The following TMCC2 variants were observed in gnomAD, a reference collection of about 807,000 sequenced individuals.
TMCC2 encodes the protein transmembrane and coiled-coil domain family 2.
A neutral mutation model predicts 49.4 loss-of-function variants in TMCC2; 16 were observed. That is an observed-to-expected ratio of 0.32 (90% CI 0.22 to 0.49). The LOEUF (loss-of-function observed/expected upper bound fraction) is 0.49, where lower values mean the gene tolerates loss of function less well. Among genes scored for constraint, TMCC2 ranks in the 20% least tolerant of loss-of-function variants. TMCC2 has a pLI of 0.99. For missense variants in TMCC2, 762 were observed against 989.8 expected, an observed-to-expected ratio of 0.77 and a Z score of 3.09; for synonymous variants, 397 against 434.1, an observed-to-expected ratio of 0.91 and a Z score of 1.06.
intron 2 of TMCC2, among the ~76,000 whole-genome samples, chr1:205,260,746 G>T (rs1325149674): frequency 7.6e-6 from 1 of 131,252 alleles, no homozygotes; most frequent in Non-Finnish European, 1.5e-5. Context: ...GGATTTAACT[G>T]TTCTGGATAT....
At chr1:205,268,895 C>G (rs2102613000) in intron 2 of TMCC2, 55 bp from the exon 3 acceptor site, 2 of 1,548,632 alleles carry the variant, frequency 1.3e-6, no homozygotes, top group Non-Finnish European at 1.8e-6. Context: ...CATCCAGGGG[C>G]ACTCCTATGG....
intron 1 of TMCC2, chr1:205,229,868 A>G: frequency 1.0e-6 from 1 of 985,408 alleles, no homozygotes; most frequent in Middle Eastern, 5.2e-4. Flanking sequence ...AGCTGAGATA[A>G]ATAATGCACC....
chr1:205,242,299 G>A (rs1660305039), intron 2 of TMCC2, among the ~76,000 whole-genome samples: 1 of 152,322 alleles, frequency 6.6e-6, no homozygotes, highest in South Asian at 2.1e-4. Context: ...TGATATTAAT[G>A]TTGACTTGTT....
chr1:205,257,262 A>AG, intron 2 of TMCC2: 1 of 1,232,234 alleles, frequency 8.1e-7, no homozygotes, highest in Non-Finnish European at 1.0e-6. Flanking sequence ...AGTGCTGCCC[A>AG]GGGTCTGTGA....
chr1:205,265,706 G>T (rs776330946), intron 2 of TMCC2, among the ~76,000 whole-genome samples: 4 of 151,314 alleles, frequency 2.6e-5, no homozygotes, highest in Non-Finnish European at 4.4e-5. Flanking sequence ...GATTACAGGC[G>T]TCCGCCACCA....
chr1:205,246,909 T>TGG lies in TMCC2; in HGVS notation c.747+4869_747+4870dup, dbSNP rs1232382314. Among the ~76,000 whole-genome samples the TGG allele has an allele frequency of 3.6e-4, 54 of 150,686 alleles. 1 individual carries two copies. The highest frequency in any genetic ancestry group is 3.3e-3 in the Admixed American group (50 of 15,126). ...AGGACTGTGGATGTTTGCAGGGGCC[T>TGG]GGGGGAAGTGGGGCAGGCTCATTAG... On this transcript the variant is annotated intron_variant, in intron 2 of 4. Coordinates refer to ENST00000358024, the MANE Select transcript of TMCC2 (RefSeq NM_014858.4).
intron 2 of TMCC2, among the ~76,000 whole-genome samples, chr1:205,259,832 G>C (rs1477326677): frequency 6.6e-6 from 1 of 152,212 alleles, no homozygotes; most frequent in African/African-American, 2.4e-5. Context: ...GTGAGTCCGG[G>C]GTGCCACCAA....
chr1:205,232,951 A>C (rs1328515166), intron 1 of TMCC2, among the ~76,000 whole-genome samples: 14 of 147,372 alleles, frequency 9.5e-5, no homozygotes, highest in African/African-American at 2.5e-4. Flanking sequence ...AAAAAAAAAA[A>C]AAAAAAAAAC....
intron 2 of TMCC2, among the ~76,000 whole-genome samples, chr1:205,250,591 C>T (rs1660629971): frequency 6.6e-6 from 1 of 152,186 alleles, no homozygotes; most frequent in Non-Finnish European, 1.5e-5. Flanking sequence ...TTAGCTCTGG[C>T]ATCTGGGAGT....
At chr1:205,239,842 A>G (rs188347685) in intron 1 of TMCC2, among the ~76,000 whole-genome samples, 101 of 152,336 alleles carry the variant, frequency 6.6e-4, no homozygotes, top group Admixed American at 1.6e-3. Flanking sequence ...AAGCGCAGCC[A>G]TCTGCACAAA....
chr1:205,247,812 G>GTC (rs1558648439), intron 2 of TMCC2, among the ~76,000 whole-genome samples: 1 of 152,006 alleles, frequency 6.6e-6, no homozygotes, highest in African/African-American at 2.4e-5. Flanking sequence ...TCGGACCAGA[G>GTC]CAGCCCTGGC....
intron 1 of TMCC2, among the ~76,000 whole-genome samples, chr1:205,233,590 A>G (rs1307159519): frequency 1.3e-5 from 2 of 152,192 alleles, no homozygotes; most frequent in Non-Finnish European, 2.9e-5. Flanking sequence ...AGAGCCCACT[A>G]GAGAAGGGTT....
Position 205,269,328 on chromosome 1 carries a change from G to T in TMCC2, c.1126G>T (p.Val376Leu). The change falls in exon 3 of 5, where the codon GTG becomes TTG. Residue 376 changes from valine (V) to leucine (L), a missense_variant. Val to Leu is a conservative substitution (Grantham distance 32, BLOSUM62 1). Around this residue, in one of 2 missense-constraint regions of TMCC2, gnomAD observed 440 missense variants for 636.7 expected, o/e 0.69. Transcript: ENST00000358024. ...CGGGCCCTCGCGGCAGCCCAAGGAC[G>T]TGCTGCGGGACATGCAGCAGGGGCT... ...QNGPSRQPKD[V>L]LRDMQQGLKD... is the part of the protein sequence containing the mutation. The T allele has an allele frequency of 6.2e-7, 1 of 1,613,282 alleles. No individual in the cohort carries two copies. Among genetic ancestry groups the T allele is most frequent in the Non-Finnish European group, 8.5e-7 (1 of 1,179,892 alleles).
At chr1:205,236,867 T>G (rs964120298) in intron 1 of TMCC2, 1 of 152,170 alleles carries the variant, frequency 6.6e-6, no homozygotes, top group African/African-American at 2.4e-5. Context: ...AATAAAAGTC[T>G]TCTATGTTGG....
At position 205,272,403 on chromosome 1, in the gene TMCC2, G is replaced by A. The variant is rs183958274; in HGVS notation, c.*279G>A. The A allele has an allele frequency of 8.5e-5, 44 of 519,408 alleles. No individual in the cohort carries two copies. The Admixed American group carries it at 1.5e-3, about 18-fold the overall frequency. The allele number at this position is 519,408 out of a possible 1,614,324, so 32.2% of individuals were successfully genotyped here. A position where few individuals can be genotyped will look rare whatever the true frequency, so the allele number is the denominator to read the frequency against. On this transcript the variant is annotated 3_prime_UTR_variant, in exon 5 of 5. Coordinates refer to ENST00000358024, the MANE Select transcript of TMCC2 (RefSeq NM_014858.4). ...GGTTGGATTGTTTTGATTATTTATA[G>A]TTACACAAGGACTTCTCCCAGCTGA...
In TMCC2 at chr1:205,269,586, A is replaced by G; in HGVS notation, c.1384A>G (p.Ser462Gly). ...CCCTGAGGAGGCAGCCCGGGCACTG[A>G]GCGGCAGTGCCACACTCGTCTCCAG... ...GPPEEAARALSGSATLVSSPK... is the reference protein window; with the variant it reads ...GPPEEAARALGGSATLVSSPK... Residue 462 changes from serine to glycine, a missense_variant, in exon 3 of 5, where the codon AGC becomes GGC. By Grantham distance (56) the Ser-to-Gly change is moderately conservative. Around this residue, in one of 2 missense-constraint regions of TMCC2, gnomAD observed 440 missense variants for 636.7 expected, o/e 0.69. Transcript: ENST00000358024. 1 of 1,613,788 alleles carries G rather than the reference A, an allele frequency of 6.2e-7. No homozygotes were observed. The highest frequency in any genetic ancestry group is 8.5e-7 in the Non-Finnish European group (1 of 1,179,954).
At chr1:205,228,988 A>G (rs2102510914) in intron 1 of TMCC2, 1 of 1,371,730 alleles carries the variant, frequency 7.3e-7, no homozygotes, top group Non-Finnish European at 9.4e-7. Context: ...GTTCCCCATT[A>G]TTCAGCAAGC....
At chr1:205,258,781 G>T (rs1011189097) in intron 2 of TMCC2, among the ~76,000 whole-genome samples, 15 of 152,364 alleles carry the variant, frequency 9.8e-5, no homozygotes, top group Middle Eastern at 6.8e-3. Context: ...TTTACCGTAA[G>T]GTCACATGAC....
intron 2 of TMCC2, among the ~76,000 whole-genome samples, chr1:205,262,183 C>G (rs917106003): frequency 6.6e-6 from 1 of 152,164 alleles, no homozygotes; most frequent in African/African-American, 2.4e-5. Context: ...TTCAGACATG[C>G]CAGCTCCCTC....
Sources: allele counts gnomAD v4.1 joint callset (sites outside exome capture counted in the v4.1 genomes callset), GRCh38; gene constraint gnomAD v4.1.1; regional missense constraint gnomAD v4.1.1; transcripts MANE v1.5; gene names NCBI Gene and HGNC (gene_info 2026-07-23, HGNC 2026-07-21).